The following TOX variants were observed in gnomAD, a reference collection of about 807,000 sequenced individuals.
TOX encodes thymocyte selection-associated high mobility group box protein TOX.
Under a neutral mutation model 53.7 loss-of-function variants are expected in TOX, and 11 were observed. That is an observed-to-expected ratio of 0.20 (90% CI 0.13 to 0.34). The LOEUF (loss-of-function observed/expected upper bound fraction) is 0.34, where lower values mean the gene tolerates loss of function less well. Ranked by LOEUF, TOX falls within the 10% of genes least tolerant of loss-of-function variation. The pLI is 1.00. For missense variants in TOX, 570 were observed against 664.6 expected (o/e 0.86, Z 1.56); for synonymous variants, 225 against 245.3 (o/e 0.92, Z 0.77).
intron 3 of TOX, among the ~76,000 whole-genome samples, chr8:58,868,174 A>G (rs1811134578): frequency 6.6e-6 from 1 of 152,120 alleles, no homozygotes; most frequent in South Asian, 2.1e-4. Context: ...GCCACCATGT[A>G]AGACATGCAA....
chr8:59,074,473 A>C (rs1172069617), intron 1 of TOX, among the ~76,000 whole-genome samples: 1 of 152,176 alleles, frequency 6.6e-6, no homozygotes, highest in Admixed American at 6.5e-5. Flanking sequence ...ACCTCGTAAG[A>C]TATGCGGATG....
intron 1 of TOX, among the ~76,000 whole-genome samples, chr8:59,013,843 A>T (rs1208272857): frequency 6.6e-6 from 1 of 152,256 alleles, no homozygotes. Context: ...AGCAAGAAAA[A>T]TCAAGTCATG....
chr8:59,042,371 G>C (rs893911518), intron 1 of TOX, among the ~76,000 whole-genome samples: 2 of 152,170 alleles, frequency 1.3e-5, no homozygotes, highest in African/African-American at 2.4e-5. Flanking sequence ...GACTTTTACA[G>C]CCAGAGGGAA....
chr8:58,807,987 G>A (rs1192808121), intron 8 of TOX, 131 bp downstream of exon 8: 1 of 1,318,046 alleles, frequency 7.6e-7, no homozygotes, highest in Non-Finnish European at 1.0e-6. Flanking sequence ...AACAATTTCT[G>A]GTGTCTTCTG....
At chr8:59,036,685 T>C (rs1585978833) in intron 1 of TOX, among the ~76,000 whole-genome samples, 2 of 152,250 alleles carry the variant, frequency 1.3e-5, no homozygotes, top group South Asian at 2.1e-4. Context: ...TCTTTTTCTA[T>C]AGTATCAGTG....
intron 1 of TOX, among the ~76,000 whole-genome samples, chr8:59,054,173 T>C (rs753638004): frequency 6.6e-6 from 1 of 152,240 alleles, no homozygotes; most frequent in Non-Finnish European, 1.5e-5. Context: ...GCCAATTTAT[T>C]TTAATTATTA....
chr8:59,015,040 T>C (rs1363232487), intron 1 of TOX, among the ~76,000 whole-genome samples: 7 of 152,236 alleles, frequency 4.6e-5, no homozygotes, highest in Admixed American at 4.6e-4. Context: ...CTAATTTTAT[T>C]AACCTGTACA....
At chr8:58,951,029 A>T (rs1812612594) in intron 2 of TOX, among the ~76,000 whole-genome samples, 1 of 152,216 alleles carries the variant, frequency 6.6e-6, no homozygotes, top group African/African-American at 2.4e-5. Context: ...AATATTTCCC[A>T]GAGTATTCTC....
chr8:58,896,674 A>AAAAAT (rs141360838), intron 3 of TOX, among the ~76,000 whole-genome samples: 29,736 of 149,244 alleles, frequency 0.2, 3,606 homozygotes, highest in East Asian at 0.39. Context: ...AATCCATCTC[A>AAAAAT]AAAATAAAAT....
intron 1 of TOX, among the ~76,000 whole-genome samples, chr8:59,017,923 A>G (rs1585966872): frequency 6.6e-6 from 1 of 152,218 alleles, no homozygotes; most frequent in African/African-American, 2.4e-5. Flanking sequence ...AACTGCTTAC[A>G]TTGATGTGTT....
chr8:58,888,339 A>C (rs1463584699), intron 3 of TOX, among the ~76,000 whole-genome samples: 4 of 152,086 alleles, frequency 2.6e-5, no homozygotes, highest in Non-Finnish European at 5.9e-5. Flanking sequence ...ACTAGTAATA[A>C]ATTTAACAAC....
intron 1 of TOX, among the ~76,000 whole-genome samples, chr8:59,014,353 T>C (rs1813969782): frequency 1.3e-5 from 2 of 152,358 alleles, no homozygotes; most frequent in South Asian, 4.1e-4. Context: ...CTCGTAAAAT[T>C]ACCAAATTCT....
intron 1 of TOX, among the ~76,000 whole-genome samples, chr8:59,018,328 G>C (rs192161066): frequency 2.6e-5 from 4 of 152,268 alleles, no homozygotes. Context: ...CAGGGAACTG[G>C]GAAGGCTCTG....
intron 1 of TOX, among the ~76,000 whole-genome samples, chr8:59,059,163 A>C (rs541658394): frequency 2.8e-4 from 42 of 152,366 alleles, no homozygotes; most frequent in Non-Finnish European, 5.4e-4. Context: ...CTAGTGAAGT[A>C]AGAGCCAATT....
rs562650272 is a variant in TOX at position 59,090,928 on chromosome 8, G to C, written c.102+27958C>G. On this transcript the variant is annotated intron_variant, in intron 1 of 8. Transcript: ENST00000361421. ...CACAAGTGTCCTTTATTCTATCAAA[G>C]GCAGTCCCACCCCAGCCTCAGTAGG... Among the ~76,000 whole-genome samples the C allele has an allele frequency of 1.3e-4, 20 of 152,236 alleles. No individual in the cohort carries two copies. In the South Asian group the frequency reaches 3.9e-3, roughly 30 times the overall value.
At chr8:59,033,799 C>T (rs1585977146) in intron 1 of TOX, among the ~76,000 whole-genome samples, 2 of 152,286 alleles carry the variant, frequency 1.3e-5, no homozygotes, top group Admixed American at 1.3e-4. Flanking sequence ...GTGTTCACAG[C>T]CTAACCTCTT....
chr8:59,076,629 T>C (rs993945424), intron 1 of TOX, among the ~76,000 whole-genome samples: 19 of 152,234 alleles, frequency 1.2e-4, no homozygotes, highest in Non-Finnish European at 2.2e-4. Flanking sequence ...GCTGATTTTT[T>C]ATGTTGCTAA....
In TOX at chr8:59,118,464, G is replaced by A. The variant is rs1172243150; in HGVS notation, c.102+422C>T. 1.3e-5 allele frequency among the ~76,000 whole-genome samples: 2 copies of A among 152,164 alleles called. No individual in the cohort carries two copies. Among genetic ancestry groups the A allele is most frequent in the Non-Finnish European group, 2.9e-5 (2 of 68,030 alleles). ...ATCCGGAGAAGGGAAGTGGTGCCAC[G>A]AGCCCCCACTGCCCGGGGAGGGAGG... On this transcript the variant is annotated intron_variant, in intron 1 of 8. Transcript: ENST00000361421. The surrounding 1 kb of genome is among the most constrained non-coding windows in gnomAD (Gnocchi z 4.1).
intron 3 of TOX, among the ~76,000 whole-genome samples, chr8:58,907,470 G>T (rs757061551): frequency 3.3e-5 from 5 of 152,036 alleles, no homozygotes; most frequent in Non-Finnish European, 5.9e-5. Flanking sequence ...TGGCGTGCAC[G>T]TGTAATCTCA....
Sources: gnomAD v4.1 joint callset for allele counts (sites outside exome capture counted in the v4.1 genomes callset) on GRCh38, gnomAD v4.1.1 for gene constraint, Gnocchi (gnomAD v3.1) non-coding constraint, MANE v1.5 for transcripts, NCBI Gene and HGNC (gene_info 2026-07-23, HGNC 2026-07-21) for gene names.